The following PTPRM variants were observed in gnomAD, a reference collection of about 807,000 sequenced individuals.
PTPRM encodes receptor-type tyrosine-protein phosphatase mu.
Under a neutral mutation model 186.7 loss-of-function variants are expected in PTPRM, and 47 were observed. That is an observed-to-expected ratio of 0.25 (90% confidence interval 0.20 to 0.32). The LOEUF (loss-of-function observed/expected upper bound fraction) is 0.32, where lower values mean the gene tolerates loss of function less well. Ranked by LOEUF, PTPRM falls within the 10% of genes least tolerant of loss-of-function variation. The pLI is 1.00. For missense variants in PTPRM, 1,494 were observed against 1,865.0 expected, an observed-to-expected ratio of 0.80 and a Z score of 3.66; for synonymous variants, 668 against 674.9, an observed-to-expected ratio of 0.99 and a Z score of 0.16.
chr18:7,727,212 T>G (rs1361139265), intron 1 of PTPRM, among the ~76,000 whole-genome samples: 2 of 152,164 alleles, frequency 1.3e-5, no homozygotes, highest in African/African-American at 4.8e-5. Context: ...GGTCCATGAC[T>G]GAGTAACCCA....
rs59073560 is a variant in PTPRM, at chr18:8,237,431, A to ATTTTT, written c.2301-6600_2301-6596dup. Among the ~76,000 whole-genome samples the ATTTTT allele has an allele frequency of 8.9e-3, 637 of 71,616 alleles. 63 individuals are homozygous for ATTTTT. Among genetic ancestry groups the ATTTTT allele is most frequent in the Middle Eastern group, 0.045 (4 of 88 alleles). 47.0% of individuals were successfully genotyped at this position (71,616 alleles called of 152,430 possible). ...GATCTGCTGGCAACTGATTCCCTCA[A>ATTTTT]TTTTTTTTTTTTTTTTTTTTTTTTT... On this transcript the variant is annotated intron_variant, in intron 14 of 32. Coordinates refer to ENST00000580170, the MANE Select transcript of PTPRM (RefSeq NM_001105244.2).
chr18:8,266,951 A>G lies in PTPRM; in HGVS notation c.2754+13537A>G, dbSNP rs750925781. Among the ~76,000 whole-genome samples the G allele has an allele frequency of 6.6e-5, 10 of 152,152 alleles. No homozygotes were observed. The South Asian group carries it at 1.7e-3, about 25-fold the overall frequency. The stretch of plus-strand genomic sequence containing the variant: ...ATTCACCCATATTATTCATTATGCT[A>G]TAGATTTTAAAAACTTCTTCACTCC... On this transcript the variant is annotated intron_variant, in intron 19 of 32. Transcript: ENST00000580170.
At chr18:8,195,755 G>A (rs1004352565) in intron 14 of PTPRM, among the ~76,000 whole-genome samples, 8 of 152,174 alleles carry the variant, frequency 5.3e-5, no homozygotes, top group Non-Finnish European at 8.8e-5. Flanking sequence ...AAGAGTGAGC[G>A]TCGGGTGAAG....
chr18:7,995,219 G>C (rs2147688391), intron 7 of PTPRM, among the ~76,000 whole-genome samples: 1 of 152,190 alleles, frequency 6.6e-6, no homozygotes, highest in South Asian at 2.1e-4. Context: ...AACCAAGATA[G>C]AATGAGGAAG....
At chr18:8,305,977 G>A (rs1479249422) in intron 20 of PTPRM, among the ~76,000 whole-genome samples, 6 of 151,444 alleles carry the variant, frequency 4.0e-5, no homozygotes, top group African/African-American at 9.7e-5. Flanking sequence ...AGCTCACTGC[G>A]GCCTCTGCCT....
At chr18:8,395,107 A>G (rs1044274023) in intron 32 of PTPRM, among the ~76,000 whole-genome samples, 4 of 152,208 alleles carry the variant, frequency 2.6e-5, no homozygotes, top group African/African-American at 9.7e-5. Context: ...ACAATGTACA[A>G]TTATTTTCTT....
At chr18:7,728,164 C>G (rs1054687430) in intron 1 of PTPRM, among the ~76,000 whole-genome samples, 1 of 152,164 alleles carries the variant, frequency 6.6e-6, no homozygotes, top group African/African-American at 2.4e-5. Flanking sequence ...AATGTGACTT[C>G]TGATTCATAC....
At chr18:7,811,777 G>T (rs2044531309) in intron 2 of PTPRM, among the ~76,000 whole-genome samples, 1 of 152,108 alleles carries the variant, frequency 6.6e-6, no homozygotes. Flanking sequence ...TATAAGTCAA[G>T]CAGATCCCTT....
At chr18:8,346,827 C>G (rs2095507946) in intron 23 of PTPRM, among the ~76,000 whole-genome samples, 1 of 151,252 alleles carries the variant, frequency 6.6e-6, no homozygotes, top group African/African-American at 2.4e-5. Flanking sequence ...AAGGCCAACT[C>G]CACTGGAAAG....
chr18:8,131,153 A>G (rs1315748961), intron 13 of PTPRM, among the ~76,000 whole-genome samples: 1 of 152,184 alleles, frequency 6.6e-6, no homozygotes, highest in Non-Finnish European at 1.5e-5. Flanking sequence ...TTCAAAATTG[A>G]ACTTCTGGGA....
intron 19 of PTPRM, among the ~76,000 whole-genome samples, chr18:8,294,931 G>A (rs959632258): frequency 6.6e-6 from 1 of 152,212 alleles, no homozygotes; most frequent in African/African-American, 2.4e-5. Context: ...GTCTTCTCCA[G>A]CCAGTCTCTG....
At chr18:7,590,247 C>G (rs1453252593) in intron 1 of PTPRM, among the ~76,000 whole-genome samples, 1 of 152,194 alleles carries the variant, frequency 6.6e-6, no homozygotes, top group Non-Finnish European at 1.5e-5. Flanking sequence ...GGAAATATAA[C>G]ACTGGCATCT....
intron 7 of PTPRM, among the ~76,000 whole-genome samples, chr18:7,995,116 A>G (rs185676408): frequency 1.1e-3 from 172 of 152,238 alleles, no homozygotes; most frequent in African/African-American, 4.1e-3. Context: ...AATTAGAACA[A>G]AAAGGAGACA....
intron 14 of PTPRM, among the ~76,000 whole-genome samples, chr18:8,150,362 C>A (rs1220425039): frequency 6.6e-6 from 1 of 152,022 alleles, no homozygotes; most frequent in Non-Finnish European, 1.5e-5. Flanking sequence ...CTTTTTTTCT[C>A]TAATCTTGTC....
At chr18:8,297,475 C>T (rs567611866) in intron 20 of PTPRM, among the ~76,000 whole-genome samples, 1 of 152,154 alleles carries the variant, frequency 6.6e-6, no homozygotes, top group African/African-American at 2.4e-5. Flanking sequence ...AGAAATGTTT[C>T]GTGTCTATGC....
At chr18:8,262,703 A>G (rs966542588) in intron 19 of PTPRM, among the ~76,000 whole-genome samples, 1 of 152,242 alleles carries the variant, frequency 6.6e-6, no homozygotes, top group Non-Finnish European at 1.5e-5. Context: ...TAGGCAATAT[A>G]TTAACTGATA....
intron 14 of PTPRM, among the ~76,000 whole-genome samples, chr18:8,187,858 C>G (rs2146668600): frequency 6.6e-6 from 1 of 152,328 alleles, no homozygotes; most frequent in South Asian, 2.1e-4. Context: ...CCTTGAAGAG[C>G]AGTTCCACTG....
intron 23 of PTPRM, among the ~76,000 whole-genome samples, chr18:8,366,203 G>C: frequency 6.6e-6 from 1 of 152,178 alleles, no homozygotes; most frequent in East Asian, 1.9e-4. Flanking sequence ...AGCTCCTGCA[G>C]TTGAGCAAAC....
In PTPRM at chr18:8,126,002, TATATATATATATATA is replaced by T. The variant is rs1242706511; in HGVS notation, c.2167+11176_2167+11190del. ...ATATATATATATATATATATATATA[TATATATATATATATA>T]TATATATATATTTTAAATCAGTAGA... On this transcript the variant is annotated intron_variant, in intron 13 of 32. Transcript: ENST00000580170. Among the ~76,000 whole-genome samples the T allele has an allele frequency of 6.9e-3, 124 of 18,052 alleles. 4 individuals are homozygous for T. Among genetic ancestry groups the T allele is most frequent in the Admixed American group, 0.06 (73 of 1,214 alleles). The allele number at this position is 18,052 out of a possible 152,430, so 11.8% of individuals were successfully genotyped here. A position where few individuals can be genotyped will look rare whatever the true frequency, so the allele number is the denominator to read the frequency against.
Sources: allele counts gnomAD v4.1 joint callset (sites outside exome capture counted in the v4.1 genomes callset), GRCh38; gene constraint gnomAD v4.1.1; transcripts MANE v1.5; gene names NCBI Gene and HGNC (gene_info 2026-07-23, HGNC 2026-07-21).